Variants in TMEM14C observed in about 807,000 individuals in gnomAD.
TMEM14C encodes the protein chromosome 6 open reading frame 53.
TMEM14C carries 13 observed loss-of-function variants against 14.8 expected under a neutral mutation model. The ratio of observed to expected loss-of-function variants is 0.88; its 90% CI spans 0.57 to 1.40. The LOEUF (loss-of-function observed/expected upper bound fraction) is 1.40, where lower values mean the gene tolerates loss of function less well. Among genes scored for constraint, TMEM14C ranks in the 40% most tolerant of loss-of-function variants. The probability of loss-of-function intolerance (pLI) is 0.00; values close to 1 mark genes in which losing one functional copy is unlikely to be tolerated. For synonymous variants in TMEM14C, 57 were observed against 51.3 expected (o/e 1.11, Z -0.48); for missense variants, 142 against 138.8 (o/e 1.02, Z -0.12).
At chr6:10,730,480 T>C (rs1452364481) in intron 5 of TMEM14C, 135 bp from the exon 6 acceptor site, 1 of 740,732 alleles carries the variant, frequency 1.4e-6, no homozygotes, top group East Asian at 3.0e-5. Context: ...GGGATGGAAA[T>C]TTACCCCTGA....
intron 5 of TMEM14C, among the ~76,000 whole-genome samples, chr6:10,729,901 C>A (rs866520246): frequency 6.6e-6 from 1 of 152,138 alleles, no homozygotes; most frequent in African/African-American, 2.4e-5. Flanking sequence ...AGTTCAAGAC[C>A]AGTCTGCCCA....
In TMEM14C at chr6:10,728,641, T is replaced by A; in HGVS notation, c.201T>A (p.Ala67=). The part of the protein sequence containing the change: ...QDPRNVWVFL[A]TSGTLAGIMG... ...ACTTCTTTATATGTTTTTCATCAGC[T>A]ACATCTGGTACCTTGGCTGGCATTA... The change falls in exon 5 of 6, where the codon GCT becomes GCA. Residue 67 remains alanine, a splice_region_variant and synonymous_variant. Coordinates refer to ENST00000229563, the MANE Select transcript of TMEM14C (RefSeq NM_016462.4). The A allele has an allele frequency of 6.2e-7, 1 of 1,614,060 alleles. No individual in the cohort carries two copies. Among genetic ancestry groups the A allele is most frequent in the Non-Finnish European group, 8.5e-7 (1 of 1,179,998 alleles).
Position 10,724,637 on chromosome 6 carries a change from A to G in TMEM14C, c.20+4A>G. On this transcript the variant is annotated splice_donor_region_variant and intron_variant, in intron 2 of 5. Coordinates refer to ENST00000229563, the MANE Select transcript of TMEM14C (RefSeq NM_016462.4). ...AAATGCAGGACACTGGCTCAGTGTG[A>G]GTGCAGTAAATGGGTATGGAGTAGC... The G allele has an allele frequency of 6.2e-7, 1 of 1,612,012 alleles. No individual in the cohort carries two copies. Among genetic ancestry groups the G allele is most frequent in the Non-Finnish European group, 8.5e-7 (1 of 1,178,876 alleles).
At chr6:10,727,014 A>G (rs1210898287) in intron 4 of TMEM14C, among the ~76,000 whole-genome samples, 1 of 152,114 alleles carries the variant, frequency 6.6e-6, no homozygotes, top group Non-Finnish European at 1.5e-5. Flanking sequence ...GCTCTGCCTA[A>G]CAGCTCCCTC....
At chr6:10,725,094 T>C in intron 3 of TMEM14C, 57 bp downstream of exon 3, 13 of 1,597,076 alleles carry the variant, frequency 8.1e-6, no homozygotes, top group Non-Finnish European at 1.1e-5. Context: ...CAGTGAAATG[T>C]GAATGCCCGT....
Position 10,730,162 on chromosome 6 carries a change from C to T in TMEM14C, c.288-453C>T, listed in dbSNP as rs563115272. ...AAAATTTAGTTAAGTATCATAAAGA[C>T]ATCCTGAAGGTAGGGGAATTTTTAA... is the stretch of plus-strand genomic sequence containing the variant. On this transcript the variant is annotated intron_variant, in intron 5 of 5. Coordinates refer to ENST00000229563, the MANE Select transcript of TMEM14C (RefSeq NM_016462.4). 1.5e-4 allele frequency among the ~76,000 whole-genome samples: 23 copies of T among 152,270 alleles called. 1 individual carries two copies. The South Asian group carries it at 4.8e-3, about 32-fold the overall frequency.
intron 4 of TMEM14C, among the ~76,000 whole-genome samples, chr6:10,726,218 A>G (rs1770855626): frequency 6.6e-6 from 1 of 152,190 alleles, no homozygotes; most frequent in Non-Finnish European, 1.5e-5. Context: ...CAGAACATGG[A>G]AGGATTTTCA....
Position 10,730,996 on chromosome 6 carries a change from C to G in TMEM14C, c.*330C>G, listed in dbSNP as rs550606911. 8 of 1,016,224 alleles carry G rather than the reference C, an allele frequency of 7.9e-6. No individual in the cohort carries two copies. In the East Asian group the frequency reaches 7.0e-4, roughly 89 times the overall value. The allele number at this position is 1,016,224 out of a possible 1,614,324, so 63.0% of individuals were successfully genotyped here. On this transcript the variant is annotated 3_prime_UTR_variant, in exon 6 of 6. Transcript: ENST00000229563. ...GGGCTCTGAAACCCCATTCCCTGCTCTGAGGAACAGTGTGAAAAAAAGTCT... is the reference window on the plus strand; with the variant it reads ...GGGCTCTGAAACCCCATTCCCTGCTGTGAGGAACAGTGTGAAAAAAAGTCT...
chr6:10,728,886 C>CAAAAATAGTTATTGTTCAAAAACAA (rs1770949225), intron 5 of TMEM14C, 159 bp downstream of exon 5: 1 of 1,490,888 alleles, frequency 6.7e-7, no homozygotes, highest in Non-Finnish European at 9.0e-7. Flanking sequence ...AAAACAATAG[C>CAAAAATAGTTATTGTTCAAAAACAA]TAGTTTAATG....
In TMEM14C at chr6:10,724,996, C is replaced by A; in HGVS notation, c.56C>A (p.Ala19Glu). The change falls in exon 3 of 6, where the codon GCA (alanine) becomes GAA (glutamate). Residue 19 changes from alanine to glutamate, a missense_variant. Physicochemically the swap from Ala to Glu is moderately radical, Grantham distance 107. Coordinates refer to ENST00000229563, the MANE Select transcript of TMEM14C (RefSeq NM_016462.4). ...CATTGGTTTGGCTTTGGCTACGCAG[C>A]ACTGGTTGCTTCTGGTGGGATCATT... Reference protein sequence around the residue: ...PLHWFGFGYAALVASGGIIGY... With the variant: ...PLHWFGFGYAELVASGGIIGY... The A allele has an allele frequency of 6.2e-7, 1 of 1,614,220 alleles. No homozygotes were observed. Among genetic ancestry groups the A allele is most frequent in the South Asian group, 1.1e-5 (1 of 91,084 alleles).
chr6:10,728,532 T>C, intron 4 of TMEM14C, 108 bp from the exon 5 acceptor site: 1 of 1,154,692 alleles, frequency 8.7e-7, no homozygotes, highest in Non-Finnish European at 1.3e-6. Context: ...GGAATAAGCA[T>C]AGGATGAGGC....
At chr6:10,727,881 A>G (rs1474938187) in intron 4 of TMEM14C, among the ~76,000 whole-genome samples, 2 of 152,072 alleles carry the variant, frequency 1.3e-5, no homozygotes, top group African/African-American at 2.4e-5. Flanking sequence ...ATCCTTTAAT[A>G]GCTTCTCATT....
At chr6:10,727,628 C>T (rs113088212) in intron 4 of TMEM14C, among the ~76,000 whole-genome samples, 9,640 of 151,962 alleles carry the variant, frequency 0.063, 1,035 homozygotes, top group African/African-American at 0.22. Context: ...TTGAGACCAC[C>T]GTAGGCAACG....
chr6:10,728,652 C>A lies in TMEM14C; in HGVS notation c.212C>A (p.Thr71Asn). ...NVWVFLATSG[T>N]LAGIMGMRFY... Reference sequence around the variant, plus strand: ...TGTTTTTCATCAGCTACATCTGGTACCTTGGCTGGCATTATGGGAATGAGG... The same window carrying A: ...TGTTTTTCATCAGCTACATCTGGTAACTTGGCTGGCATTATGGGAATGAGG... The change falls in exon 5 of 6, where the codon ACC (threonine) becomes AAC (asparagine). Residue 71 changes from threonine (T) to asparagine (N), a missense_variant. Physicochemically the swap from Thr to Asn is moderately conservative, Grantham distance 65. Coordinates refer to ENST00000229563, the MANE Select transcript of TMEM14C (RefSeq NM_016462.4). 6.2e-7 allele frequency: 1 copy of A among 1,614,108 alleles called. No homozygotes were observed. Among genetic ancestry groups the A allele is most frequent in the Non-Finnish European group, 8.5e-7 (1 of 1,180,016 alleles).
chr6:10,725,966 T>C lies in TMEM14C; in HGVS notation c.157T>C (p.Tyr53His). 6.2e-7 allele frequency: 1 copy of C among 1,614,134 alleles called. No individual in the cohort carries two copies. The highest frequency in any genetic ancestry group is 1.7e-4 in the Middle Eastern group (1 of 6,050). ...TGGCAGTCTAGCCGGCCTGGGTGCTTACCAGCTGTCTCAGGATCCAAGGAA... is the reference window on the plus strand; with the variant it reads ...TGGCAGTCTAGCCGGCCTGGGTGCTCACCAGCTGTCTCAGGATCCAAGGAA... ...LFGSLAGLGAYQLSQDPRNVW... is the reference protein window; with the variant it reads ...LFGSLAGLGAHQLSQDPRNVW... The change falls in exon 4 of 6, where the codon TAC becomes CAC. Residue 53 changes from tyrosine (Y) to histidine (H), a missense_variant. Coordinates refer to ENST00000229563, the MANE Select transcript of TMEM14C (RefSeq NM_016462.4).
At chr6:10,727,022 C>T (rs1414652064) in intron 4 of TMEM14C, among the ~76,000 whole-genome samples, 1 of 152,178 alleles carries the variant, frequency 6.6e-6, no homozygotes, top group Non-Finnish European at 1.5e-5. Flanking sequence ...TAACAGCTCC[C>T]TCCCTCATGC....
chr6:10,724,565 T>G lies in TMEM14C; in HGVS notation c.-44-5T>G, dbSNP rs778919573. 15 of 1,607,988 alleles carry G rather than the reference T, an allele frequency of 9.3e-6. No homozygotes were observed. The highest frequency in any genetic ancestry group is 1.2e-5 in the Non-Finnish European group (14 of 1,175,828). ...ACTACCTCTGATCCAGCTTGTTTTC[T>G]GCAGGTGCAGGCCTGGGGTAGTCTC... On this transcript the variant is annotated splice_region_variant and splice_polypyrimidine_tract_variant and intron_variant, in intron 1 of 5. Coordinates refer to ENST00000229563, the MANE Select transcript of TMEM14C (RefSeq NM_016462.4).
intron 3 of TMEM14C, among the ~76,000 whole-genome samples, chr6:10,725,603 C>T (rs553480347): frequency 1.3e-5 from 2 of 152,266 alleles, no homozygotes; most frequent in African/African-American, 4.8e-5. Flanking sequence ...CATGGTTGAT[C>T]AGGCCTGATT....
chr6:10,726,439 C>A (rs917231862), intron 4 of TMEM14C, among the ~76,000 whole-genome samples: 1 of 152,198 alleles, frequency 6.6e-6, no homozygotes, highest in Admixed American at 6.5e-5. Flanking sequence ...CACCTGTAAT[C>A]CCAGCACTTT....
Sources: allele counts gnomAD v4.1 joint callset (sites outside exome capture counted in the v4.1 genomes callset), GRCh38; gene constraint gnomAD v4.1.1; transcripts MANE v1.5; gene names NCBI Gene and HGNC (gene_info 2026-07-23, HGNC 2026-07-21).